The following TMEM132D variants were observed in gnomAD, a reference collection of about 807,000 sequenced individuals.
TMEM132D encodes mature OL transmembrane protein.
In TMEM132D, 21 loss-of-function variants were observed where a neutral mutation model predicts 62.3. That is an observed-to-expected ratio of 0.34 (90% CI 0.24 to 0.49). The LOEUF is 0.49. Among genes scored for constraint, TMEM132D ranks in the 20% least tolerant of loss-of-function variants. The pLI is 0.99. For synonymous variants in TMEM132D, 621 were observed against 575.6 expected (o/e 1.08, Z -1.13); for missense variants, 1,346 against 1,402.8 (o/e 0.96, Z 0.65).
intron 4 of TMEM132D, among the ~76,000 whole-genome samples, chr12:129,231,895 A>G (rs1471253306): frequency 6.6e-6 from 1 of 152,222 alleles, no homozygotes; most frequent in African/African-American, 2.4e-5. Flanking sequence ...TCTACAGAAT[A>G]TAATCCTCCA....
rs1010940285 is a variant in TMEM132D at position 129,454,584 on chromosome 12, G to A, written c.1115+76475C>T. Among the ~76,000 whole-genome samples the A allele has an allele frequency of 2.0e-5, 3 of 152,152 alleles. No homozygotes were observed. The South Asian group carries it at 6.2e-4, about 32-fold the overall frequency. On this transcript the variant is annotated intron_variant, in intron 3 of 8. Transcript: ENST00000422113. ...AAGTGGACAATATTTTTAACAACAT[G>A]CAAAACCAAATGGCCCTTGAGTTCA...
At chr12:129,297,812 G>T (rs898355437) in intron 4 of TMEM132D, among the ~76,000 whole-genome samples, 25 of 152,096 alleles carry the variant, frequency 1.6e-4, no homozygotes, top group African/African-American at 5.3e-4. Flanking sequence ...CCTGTCACAG[G>T]TCGGCTGGGG....
intron 3 of TMEM132D, among the ~76,000 whole-genome samples, chr12:129,511,054 T>C (rs910369868): frequency 6.6e-6 from 1 of 152,168 alleles, no homozygotes; most frequent in African/African-American, 2.4e-5. Flanking sequence ...TTCACATAAA[T>C]AGCGCACCCA....
rs77380722 is a variant in TMEM132D at position 129,888,075 on chromosome 12, T to C, written c.79+15186A>G. Reference sequence around the variant, plus strand: ...TCTTTCAATAGAATTCTCAGTAGTTTTACTGATCTCACATTTCAAAATATT... The same window carrying C: ...TCTTTCAATAGAATTCTCAGTAGTTCTACTGATCTCACATTTCAAAATATT... On this transcript the variant is annotated intron_variant, in intron 1 of 8. Transcript: ENST00000422113. Among the ~76,000 whole-genome samples, 3 of 152,372 alleles carry C rather than the reference T, an allele frequency of 2.0e-5. No individual in the cohort carries two copies. In the East Asian group the frequency reaches 5.8e-4, roughly 29 times the overall value.
chr12:129,347,250 A>G (rs910421847), intron 3 of TMEM132D, among the ~76,000 whole-genome samples: 4 of 152,242 alleles, frequency 2.6e-5, no homozygotes, highest in Non-Finnish European at 5.9e-5. Flanking sequence ...TCTATAGCCA[A>G]GACAGTCCTA....
intron 3 of TMEM132D, among the ~76,000 whole-genome samples, chr12:129,386,303 C>G (rs1871103637): frequency 6.6e-6 from 1 of 152,156 alleles, no homozygotes; most frequent in South Asian, 2.1e-4. Flanking sequence ...AACACTAATG[C>G]TAATGCCAGC....
chr12:129,274,061 G>A (rs1163141519), intron 4 of TMEM132D, among the ~76,000 whole-genome samples: 1 of 151,696 alleles, frequency 6.6e-6, no homozygotes, highest in Non-Finnish European at 1.5e-5. Context: ...TCTTGGATGT[G>A]AGTTTCCTAG....
chr12:129,582,371 C>G (rs557789097), intron 2 of TMEM132D, among the ~76,000 whole-genome samples: 3 of 152,208 alleles, frequency 2.0e-5, no homozygotes, highest in East Asian at 1.9e-4. Flanking sequence ...TGGTACTTAC[C>G]CCCCAGAGAT....
rs556886497 is a variant in TMEM132D, at chr12:129,693,156, C to T, written c.968+6654G>A. On this transcript the variant is annotated intron_variant, in intron 2 of 8. Transcript: ENST00000422113. ...GTACTGAATGTCGAGAAACTAGATG[C>T]TTACTCACTAAGAAGAGGAATGAGG... Among the ~76,000 whole-genome samples, 6 of 152,228 alleles carry T rather than the reference C, an allele frequency of 3.9e-5. No homozygotes were observed. In the East Asian group the frequency reaches 1.2e-3, roughly 29 times the overall value.
intron 1 of TMEM132D, among the ~76,000 whole-genome samples, chr12:129,813,651 A>G (rs748509613): frequency 5.0e-5 from 7 of 138,754 alleles, no homozygotes; most frequent in Non-Finnish European, 9.5e-5. Flanking sequence ...TATTTCAGAC[A>G]TTGGGCAATG....
In TMEM132D at chr12:129,074,622, C is replaced by G. The variant is rs568598060; in HGVS notation, c.2553G>C (p.Glu851Asp). 1.7e-4 allele frequency: 280 copies of G among 1,614,052 alleles called. 1 individual carries two copies. In the South Asian group the frequency reaches 2.9e-3, roughly 17 times the overall value. Residue 851 changes from glutamate to aspartate, a missense_variant, in exon 9 of 9, where the codon GAG becomes GAC. Physicochemically the swap from Glu to Asp is conservative, Grantham distance 45. Coordinates refer to ENST00000422113, the MANE Select transcript of TMEM132D (RefSeq NM_133448.3). Reference sequence around the variant, plus strand: ...ACCTGTCTGTCGTGGTGCCCCGTCCCTCCATGAGTCCCATAGAAGAACTGC... The same window carrying G: ...ACCTGTCTGTCGTGGTGCCCCGTCCGTCCATGAGTCCCATAGAAGAACTGC... ...YYGSSSMGLM[E>D]GRGTTTDRSI... is the part of the protein sequence containing the mutation.
chr12:129,106,910 C>A (rs555140287), intron 5 of TMEM132D, among the ~76,000 whole-genome samples: 3 of 152,164 alleles, frequency 2.0e-5, no homozygotes, highest in Non-Finnish European at 4.4e-5. Flanking sequence ...TGGACAGTCA[C>A]CACTGCTGTC....
intron 1 of TMEM132D, among the ~76,000 whole-genome samples, chr12:129,874,995 C>A (rs980337864): frequency 3.3e-5 from 5 of 152,132 alleles, no homozygotes; most frequent in Non-Finnish European, 5.9e-5. Context: ...ATTTTAATGG[C>A]TAAAAAGAAA....
chr12:129,424,707 CAA>C (rs11385383), intron 3 of TMEM132D, among the ~76,000 whole-genome samples: 10 of 31,826 alleles, frequency 3.1e-4, no homozygotes, highest in African/African-American at 1.0e-3. Context: ...GACTCCATCT[CAA>C]AAAAAAAAAA....
chr12:129,831,905 C>G (rs1348126125), intron 1 of TMEM132D, among the ~76,000 whole-genome samples: 1 of 127,212 alleles, frequency 7.9e-6, no homozygotes, highest in East Asian at 2.3e-4. Context: ...GAGTCTTGCT[C>G]TGTTGGCAGG....
intron 3 of TMEM132D, among the ~76,000 whole-genome samples, chr12:129,366,063 C>G (rs1046824629): frequency 6.6e-6 from 1 of 151,804 alleles, no homozygotes; most frequent in Non-Finnish European, 1.5e-5. Flanking sequence ...AAAAATAATT[C>G]TTAAAAACTT....
chr12:129,812,846 T>C (rs944673650), intron 1 of TMEM132D, among the ~76,000 whole-genome samples: 21 of 151,726 alleles, frequency 1.4e-4, no homozygotes, highest in African/African-American at 5.1e-4. Flanking sequence ...TCTTTCACTC[T>C]TAAAACCATC....
chr12:129,564,825 T>C (rs1419347153), intron 2 of TMEM132D, among the ~76,000 whole-genome samples: 1 of 152,204 alleles, frequency 6.6e-6, no homozygotes, highest in Admixed American at 6.5e-5. Flanking sequence ...AAGGCAATGA[T>C]GGGTATTGTT....
intron 5 of TMEM132D, among the ~76,000 whole-genome samples, chr12:129,099,079 G>A (rs575264489): frequency 5.1e-4 from 78 of 152,184 alleles, no homozygotes; most frequent in Non-Finnish European, 1.0e-3. Flanking sequence ...ATAGACTTTT[G>A]TCACAAAGCA....
Sources: allele counts gnomAD v4.1 joint callset (sites outside exome capture counted in the v4.1 genomes callset), GRCh38; gene constraint gnomAD v4.1.1; transcripts MANE v1.5; gene names NCBI Gene and HGNC (gene_info 2026-07-23, HGNC 2026-07-21).